MAP3K15: variants seen among roughly 807,000 people sequenced by gnomAD.
The protein encoded by MAP3K15 is MAPK/ERK kinase kinase 15.
In MAP3K15, 124 loss-of-function variants were observed where a neutral mutation model predicts 99.5. The observed-to-expected ratio is 1.25, with a 90% CI of 1.08 to 1.45. The LOEUF is 1.45. Ranked by LOEUF, MAP3K15 falls within the 40% of genes most tolerant of loss-of-function variation. The pLI, the probability that MAP3K15 is intolerant of heterozygous loss-of-function variation, is 0.00. For missense variants in MAP3K15, 1,242 were observed against 1,079.7 expected (o/e 1.15, Z -2.11); for synonymous variants, 494 against 439.6 (o/e 1.12, Z -1.55).
intron 6 of MAP3K15, among the ~76,000 whole-genome samples, chrX:19,432,260 A>T (rs1228732670): frequency 9.0e-6 from 1 of 111,131 alleles, no homozygotes; most frequent in African/African-American, 3.3e-5. Flanking sequence ...TGATTCAAAC[A>T]AATCCACTAT....
chrX:19,361,710 A>G lies in MAP3K15; in HGVS notation c.3680-117T>C. Reference sequence around the variant, plus strand: ...ATGTGATGTGAAAAAGAGATGAATTAACCCTGTATCACTGAACCACGCTAA... The same window carrying G: ...ATGTGATGTGAAAAAGAGATGAATTGACCCTGTATCACTGAACCACGCTAA... On this transcript the variant is annotated intron_variant, in intron 26 of 28. Transcript: ENST00000338883. The G allele has an allele frequency of 7.8e-6, 4 of 514,690 alleles. No homozygotes were observed. In the South Asian group the frequency reaches 1.2e-4, roughly 15 times the overall value. 42.4% of individuals were successfully genotyped at this position (514,690 alleles called of 1,213,427 possible). A position where few individuals can be genotyped will look rare whatever the true frequency, so the allele number is the denominator to read the frequency against.
intron 9 of MAP3K15, among the ~76,000 whole-genome samples, chrX:19,422,432 G>C (rs1392328062): frequency 1.5e-4 from 17 of 111,536 alleles, no homozygotes; most frequent in Admixed American, 4.8e-4. Context: ...ATGAAAAAAT[G>C]ATCATCACTG....
intron 13 of MAP3K15, among the ~76,000 whole-genome samples, chrX:19,406,075 T>C (rs946912490): frequency 9.0e-6 from 1 of 111,683 alleles, no homozygotes; most frequent in African/African-American, 3.3e-5. Context: ...CCACTAGGAT[T>C]ACAATACTCA....
At chrX:19,454,636 T>G in intron 6 of MAP3K15, among the ~76,000 whole-genome samples, 1 of 111,636 alleles carries the variant, frequency 9.0e-6, no homozygotes, top group Non-Finnish European at 1.9e-5. Flanking sequence ...CATGATTTGC[T>G]CCACTTCCTG....
At chrX:19,415,423 C>A (rs757205015) in intron 9 of MAP3K15, among the ~76,000 whole-genome samples, 166 bp from the exon 10 acceptor site, 2 of 112,251 alleles carry the variant, frequency 1.8e-5, no homozygotes, top group South Asian at 7.3e-4. Context: ...ATTAAGAAAA[C>A]ACGAGCAGTA....
Position 19,376,054 on chromosome X carries a change from G to A in MAP3K15, c.2590-1394C>T, listed in dbSNP as rs187629534. ...GAAAAGGAAAGGGTGGCCTCTGCCC[G>A]GCTCTCTGAAAACAGCAAATGTGGG... On this transcript the variant is annotated intron_variant, in intron 19 of 28. Coordinates refer to ENST00000338883, the MANE Select transcript of MAP3K15 (RefSeq NM_001001671.4). 2.7e-5 allele frequency among the ~76,000 whole-genome samples: 3 copies of A among 111,897 alleles called. No homozygotes were observed. The East Asian group carries it at 8.5e-4, about 32-fold the overall frequency.
chrX:19,495,188 T>C (rs1172836811), intron 1 of MAP3K15, among the ~76,000 whole-genome samples: 1 of 111,827 alleles, frequency 8.9e-6, no homozygotes, highest in African/African-American at 3.3e-5. Context: ...ATTTTTGTAT[T>C]TTTAGTAGAC....
At chrX:19,451,415 G>C (rs1173312874) in intron 6 of MAP3K15, among the ~76,000 whole-genome samples, 3 of 104,450 alleles carry the variant, frequency 2.9e-5, no homozygotes, top group Non-Finnish European at 5.9e-5. Context: ...TTGTATATTT[G>C]ATCGGGAGTC....
intron 5 of MAP3K15, among the ~76,000 whole-genome samples, chrX:19,457,706 G>T (rs1377900013): frequency 3.2e-4 from 36 of 112,214 alleles, no homozygotes; most frequent in Non-Finnish European, 5.6e-5. Context: ...TCCAGTCAAA[G>T]CACATAGATT....
At chrX:19,410,225 A>G (rs368057996) in intron 11 of MAP3K15, among the ~76,000 whole-genome samples, 2 of 112,754 alleles carry the variant, frequency 1.8e-5, no homozygotes, top group East Asian at 5.5e-4. Context: ...GATAGAAATA[A>G]TAAGCATAGA....
chrX:19,425,846 C>T (rs1050275378), intron 8 of MAP3K15, among the ~76,000 whole-genome samples, 156 bp from the exon 9 acceptor site: 2 of 112,091 alleles, frequency 1.8e-5, no homozygotes, highest in African/African-American at 6.5e-5. Flanking sequence ...AGTACGGGCA[C>T]GGTGGCTCAC....
intron 6 of MAP3K15, among the ~76,000 whole-genome samples, chrX:19,443,968 T>C (rs1408211458): frequency 9.0e-6 from 1 of 111,123 alleles, no homozygotes; most frequent in South Asian, 3.8e-4. Flanking sequence ...TTTCCATAAA[T>C]GTGCTCCACT....
intron 2 of MAP3K15, among the ~76,000 whole-genome samples, chrX:19,487,537 T>C (rs1243747862): frequency 8.9e-6 from 1 of 111,931 alleles, no homozygotes; most frequent in Non-Finnish European, 1.9e-5. Flanking sequence ...TCACATTGGT[T>C]TATAGCCCTG....
intron 25 of MAP3K15, among the ~76,000 whole-genome samples, chrX:19,363,379 G>A (rs1206801516): frequency 8.9e-6 from 1 of 112,265 alleles, no homozygotes; most frequent in Non-Finnish European, 1.9e-5. Context: ...CCAGAACTGT[G>A]AGAAACACAT....
Position 19,431,514 on chromosome X carries a change from A to G in MAP3K15, c.1090T>C (p.Cys364Arg), listed in dbSNP as rs1229582465. 1 of 1,198,077 alleles carries G rather than the reference A, an allele frequency of 8.3e-7. No individual in the cohort carries two copies. Among genetic ancestry groups the G allele is most frequent in the African/African-American group, 1.7e-5 (1 of 57,167 alleles). ...AAGATGTCCTTGTAGATCCTCCCAC[A>G]CAGGCAGAACATGTCGGGGCCCGGG... ...DHPGPDMFCLCGRIYKDIFLD... is the reference protein window; with the variant it reads ...DHPGPDMFCLRGRIYKDIFLD... The change falls in exon 7 of 29, where the codon TGT (cysteine) becomes CGT (arginine). Residue 364 changes from cysteine to arginine, a missense_variant. Physicochemically the swap from Cys to Arg is radical, Grantham distance 180. Transcript: ENST00000338883.
At chrX:19,406,831 A>C (rs771172600) in intron 13 of MAP3K15, among the ~76,000 whole-genome samples, 1 of 112,333 alleles carries the variant, frequency 8.9e-6, no homozygotes, top group East Asian at 2.8e-4. Context: ...CCTCTCAAGT[A>C]GCTGGGATTA....
chrX:19,464,545 T>C (rs894852167), intron 3 of MAP3K15, 139 bp from the exon 4 acceptor site: 26 of 458,114 alleles, frequency 5.7e-5, no homozygotes, highest in Non-Finnish European at 8.9e-5. Flanking sequence ...TATGGATCTA[T>C]TAGGCACAAA....
intron 25 of MAP3K15, among the ~76,000 whole-genome samples, chrX:19,366,720 A>G (rs1404722376): frequency 8.9e-6 from 1 of 112,015 alleles, no homozygotes; most frequent in Non-Finnish European, 1.9e-5. Flanking sequence ...TCTTACTCTT[A>G]TAAATTGCCC....
intron 6 of MAP3K15, among the ~76,000 whole-genome samples, chrX:19,450,033 C>T (rs575940177): frequency 1.8e-5 from 2 of 109,477 alleles, no homozygotes; most frequent in African/African-American, 6.5e-5. Flanking sequence ...AGTGATACTA[C>T]ATGGTAGATG....
Sources: gnomAD v4.1 joint callset for allele counts (sites outside exome capture counted in the v4.1 genomes callset) on GRCh38, gnomAD v4.1.1 for gene constraint, MANE v1.5 for transcripts, NCBI Gene and HGNC (gene_info 2026-07-23, HGNC 2026-07-21) for gene names.